Variants in WWC2 observed in about 807,000 individuals in gnomAD.
WWC2 encodes protein WWC2.
A neutral mutation model predicts 138.5 loss-of-function variants in WWC2; 101 were observed. The ratio of observed to expected loss-of-function variants is 0.73; its 90% confidence interval spans 0.62 to 0.86. The LOEUF (loss-of-function observed/expected upper bound fraction) is 0.86, where lower values mean the gene tolerates loss of function less well. Among genes scored for constraint, WWC2 ranks in the 40% least tolerant of loss-of-function variants. The probability of loss-of-function intolerance (pLI) is 0.00; values close to 1 mark genes in which losing one functional copy is unlikely to be tolerated. For synonymous variants in WWC2, 558 were observed against 538.4 expected (o/e 1.04, Z -0.50); for missense variants, 1,420 against 1,419.4 (o/e 1.00, Z -0.01).
chr4:183,135,423 T>C (rs1733078890), intron 1 of WWC2, among the ~76,000 whole-genome samples: 1 of 152,076 alleles, frequency 6.6e-6, no homozygotes, highest in African/African-American at 2.4e-5. Flanking sequence ...GGTTCATATT[T>C]ACTTTTTTCT....
intron 2 of WWC2, among the ~76,000 whole-genome samples, chr4:183,196,568 C>T (rs1455018024): frequency 6.6e-6 from 1 of 152,186 alleles, no homozygotes; most frequent in African/African-American, 2.4e-5. Context: ...TTCCCAGAGT[C>T]CAGATGCATG....
chr4:183,130,903 G>T (rs1732906850), intron 1 of WWC2, among the ~76,000 whole-genome samples: 1 of 152,176 alleles, frequency 6.6e-6, no homozygotes, highest in Non-Finnish European at 1.5e-5. Context: ...CATCCGAAAA[G>T]TACTTTCACA....
At chr4:183,136,280 T>C (rs1369270613) in intron 1 of WWC2, among the ~76,000 whole-genome samples, 8 of 152,214 alleles carry the variant, frequency 5.3e-5, no homozygotes, top group Non-Finnish European at 1.0e-4. Flanking sequence ...ACCTCTTTCA[T>C]ATTTTTCATT....
At chr4:183,280,235 T>TTG (rs1738021456) in intron 16 of WWC2, among the ~76,000 whole-genome samples, 2 of 144,844 alleles carry the variant, frequency 1.4e-5, no homozygotes, top group Non-Finnish European at 3.0e-5. Flanking sequence ...AGCTGTTTTT[T>TTG]TTTTTTTTTT....
chr4:183,311,648 C>T (rs947246174), intron 21 of WWC2, among the ~76,000 whole-genome samples: 2 of 147,822 alleles, frequency 1.4e-5, no homozygotes, highest in Non-Finnish European at 1.5e-5. Context: ...GGCGCGATCT[C>T]GGCTCACTGC....
chr4:183,119,023 C>T (rs1051195299), intron 1 of WWC2, among the ~76,000 whole-genome samples: 5 of 152,008 alleles, frequency 3.3e-5, no homozygotes, highest in African/African-American at 7.3e-5. Flanking sequence ...TGCTTTCTAC[C>T]GTACTCCAGT....
intron 1 of WWC2, among the ~76,000 whole-genome samples, chr4:183,144,860 A>G (rs1026767072): frequency 1.3e-5 from 2 of 152,204 alleles, no homozygotes; most frequent in African/African-American, 4.8e-5. Flanking sequence ...AACTATTGGG[A>G]AAAAGTGTCA....
At chr4:183,286,742 T>C (rs1047599889) in intron 20 of WWC2, among the ~76,000 whole-genome samples, 1 of 152,180 alleles carries the variant, frequency 6.6e-6, no homozygotes, top group African/African-American at 2.4e-5. Flanking sequence ...GCACCACATG[T>C]GCTGAGCTCT....
At chr4:183,158,855 G>A (rs933113460) in intron 1 of WWC2, among the ~76,000 whole-genome samples, 3 of 152,290 alleles carry the variant, frequency 2.0e-5, no homozygotes, top group Non-Finnish European at 4.4e-5. Flanking sequence ...AGACTGTAGC[G>A]TGTAATTTAT....
Position 183,132,429 on chromosome 4 carries a change from T to A in WWC2, c.131+32807T>A, listed in dbSNP as rs76506509. Among the ~76,000 whole-genome samples the A allele has an allele frequency of 3.3e-5, 5 of 152,194 alleles. No homozygotes were observed. The East Asian group carries it at 9.6e-4, about 29-fold the overall frequency. ...GTTTCTTTTTTTTAATATACGGGTGTTGAATTTTATAAAAAGATTTTCTGT... is the reference window on the plus strand; with the variant it reads ...GTTTCTTTTTTTTAATATACGGGTGATGAATTTTATAAAAAGATTTTCTGT... On this transcript the variant is annotated intron_variant, in intron 1 of 22. Transcript: ENST00000403733.
At chr4:183,294,023 G>A (rs1738551367) in intron 21 of WWC2, among the ~76,000 whole-genome samples, 2 of 151,986 alleles carry the variant, frequency 1.3e-5, no homozygotes, top group South Asian at 4.1e-4. Context: ...ATGATATAAT[G>A]TAATTGTATT....
At chr4:183,212,952 C>T (rs759395917) in intron 4 of WWC2, among the ~76,000 whole-genome samples, 4 of 152,070 alleles carry the variant, frequency 2.6e-5, no homozygotes, top group Non-Finnish European at 5.9e-5. Flanking sequence ...AAAGATGAGT[C>T]GGAGAGAGAC....
chr4:183,101,539 G>A (rs1176343568), intron 1 of WWC2, among the ~76,000 whole-genome samples: 2 of 152,092 alleles, frequency 1.3e-5, no homozygotes, highest in Non-Finnish European at 2.9e-5. Context: ...AATATTTCTG[G>A]ATCTCAGAGT....
chr4:183,208,473 G>A (rs116450595), intron 3 of WWC2, among the ~76,000 whole-genome samples: 1 of 152,204 alleles, frequency 6.6e-6, no homozygotes, highest in East Asian at 1.9e-4. Context: ...TGCTACTTTT[G>A]TACAATATTT....
chr4:183,189,225 A>G (rs952337189), intron 1 of WWC2, among the ~76,000 whole-genome samples: 33 of 151,698 alleles, frequency 2.2e-4, no homozygotes, highest in African/African-American at 7.7e-4. Flanking sequence ...GCCTGAGGTC[A>G]GGAGTTTGAG....
rs143396209 is a variant in WWC2, at chr4:183,172,236, A to G, written c.132-21363A>G. Reference sequence around the variant, plus strand: ...TGTAACTGCTGCACACTGTCATCCTATGGCCTCCATTTACTGTCATCTTGT... The same window carrying G: ...TGTAACTGCTGCACACTGTCATCCTGTGGCCTCCATTTACTGTCATCTTGT... On this transcript the variant is annotated intron_variant, in intron 1 of 22. Coordinates refer to ENST00000403733, the MANE Select transcript of WWC2 (RefSeq NM_024949.6). Among the ~76,000 whole-genome samples the G allele has an allele frequency of 4.1e-3, 623 of 152,184 alleles. 4 individuals are homozygous for G. Among genetic ancestry groups the G allele is most frequent in the African/African-American group, 0.014 (577 of 41,518 alleles).
intron 1 of WWC2, among the ~76,000 whole-genome samples, chr4:183,174,207 C>T (rs552185200): frequency 2.0e-5 from 3 of 152,170 alleles, no homozygotes; most frequent in Non-Finnish European, 4.4e-5. Flanking sequence ...GTCCACGGCC[C>T]ATCTGATTAA....
intron 1 of WWC2, among the ~76,000 whole-genome samples, chr4:183,127,716 T>C (rs1299040047): frequency 1.3e-5 from 2 of 152,184 alleles, no homozygotes; most frequent in African/African-American, 4.8e-5. Flanking sequence ...ATATTAATCA[T>C]TTTACTATCT....
chr4:183,121,855 G>C (rs1325211104), intron 1 of WWC2, among the ~76,000 whole-genome samples: 1 of 144,022 alleles, frequency 6.9e-6, no homozygotes, highest in Admixed American at 7.3e-5. Flanking sequence ...GCACGATCTT[G>C]GCTCACTGCA....
Sources: gnomAD v4.1 joint callset for allele counts (sites outside exome capture counted in the v4.1 genomes callset) on GRCh38, gnomAD v4.1.1 for gene constraint, MANE v1.5 for transcripts, NCBI Gene and HGNC (gene_info 2026-07-23, HGNC 2026-07-21) for gene names.